CYTH1: variants seen among roughly 807,000 people sequenced by gnomAD.
The protein encoded by CYTH1 is cytohesin-1.
A neutral mutation model predicts 61.8 loss-of-function variants in CYTH1; 18 were observed. The observed-to-expected ratio is 0.29, with a 90% CI of 0.20 to 0.43. CYTH1 has a LOEUF of 0.43. Ranked by LOEUF, CYTH1 falls within the 20% of genes least tolerant of loss-of-function variation. The pLI is 1.00. For missense variants in CYTH1, 336 were observed against 510.5 expected, an observed-to-expected ratio of 0.66 and a Z score of 3.29; for synonymous variants, 174 against 184.3, an observed-to-expected ratio of 0.94 and a Z score of 0.45.
chr17:78,721,095 C>T (rs1019790908), intron 1 of CYTH1, among the ~76,000 whole-genome samples: 3 of 152,086 alleles, frequency 2.0e-5, no homozygotes, highest in South Asian at 2.1e-4. Context: ...TTTGGGGGGC[C>T]GAGGCAGGTG....
At chr17:78,689,333 T>C (rs1277467248) in intron 11 of CYTH1, among the ~76,000 whole-genome samples, 1 of 152,188 alleles carries the variant, frequency 6.6e-6, no homozygotes, top group Non-Finnish European at 1.5e-5. Flanking sequence ...CATTCATCTG[T>C]ACTTGCAGCT....
chr17:78,751,823 GT>G (rs1311514277), intron 1 of CYTH1, among the ~76,000 whole-genome samples: 5 of 152,038 alleles, frequency 3.3e-5, no homozygotes, highest in Non-Finnish European at 7.4e-5. Flanking sequence ...TTTTTGTTTT[GT>G]TTTGAGACGG....
chr17:78,683,218 G>A lies in CYTH1; in HGVS notation c.892-2176C>T, dbSNP rs73999202. 1.5e-3 allele frequency among the ~76,000 whole-genome samples: 234 copies of A among 152,222 alleles called. 2 individuals carry two copies. Among genetic ancestry groups the A allele is most frequent in the African/African-American group, 5.4e-3 (225 of 41,530 alleles). ...CTGTGATGTCACCTGAGACGGCTGA[G>A]TCTCTTCACAGCTGGTGGTGGACCC... On this transcript the variant is annotated intron_variant, in intron 11 of 13. Coordinates refer to ENST00000446868, the MANE Select transcript of CYTH1 (RefSeq NM_004762.6).
intron 1 of CYTH1, among the ~76,000 whole-genome samples, chr17:78,715,205 G>A (rs962568447): frequency 1.1e-4 from 16 of 152,174 alleles, no homozygotes; most frequent in African/African-American, 2.4e-4. Flanking sequence ...GACCACCCAC[G>A]AGGGAAGATC....
intron 8 of CYTH1, 54 bp from the exon 9 acceptor site, chr17:78,698,434 C>T: frequency 1.4e-6 from 2 of 1,383,090 alleles, no homozygotes; most frequent in Non-Finnish European, 2.1e-6. Context: ...TTTTTTCCTC[C>T]TCCCCTTTCT....
intron 1 of CYTH1, among the ~76,000 whole-genome samples, chr17:78,768,761 T>C (rs1007056762): frequency 1.3e-5 from 2 of 152,098 alleles, no homozygotes; most frequent in Non-Finnish European, 2.9e-5. Flanking sequence ...GTCAGAAGAA[T>C]CTTTCTAAAA....
intron 3 of CYTH1, among the ~76,000 whole-genome samples, chr17:78,703,236 AC>A (rs1472832532): frequency 6.6e-6 from 1 of 151,532 alleles, no homozygotes; most frequent in Admixed American, 6.6e-5. Flanking sequence ...ACATGGTGAA[AC>A]CCTGTCTCTA....
intron 7 of CYTH1, among the ~76,000 whole-genome samples, chr17:78,699,900 C>T (rs2092990457): frequency 6.6e-6 from 1 of 152,176 alleles, no homozygotes; most frequent in Non-Finnish European, 1.5e-5. Flanking sequence ...AGAGATCCTC[C>T]TGCCTCAGCC....
chr17:78,681,882 A>T (rs566858840), intron 11 of CYTH1, among the ~76,000 whole-genome samples: 1 of 152,222 alleles, frequency 6.6e-6, no homozygotes, highest in Non-Finnish European at 1.5e-5. Flanking sequence ...GTTCTCTAAA[A>T]GCGAAAAAGA....
At chr17:78,679,925 G>A (rs1326397256) in intron 13 of CYTH1, among the ~76,000 whole-genome samples, 1 of 152,184 alleles carries the variant, frequency 6.6e-6, no homozygotes, top group Non-Finnish European at 1.5e-5. Context: ...GCATCTGTGT[G>A]GGTAGCTCAC....
intron 1 of CYTH1, among the ~76,000 whole-genome samples, chr17:78,759,830 C>G (rs2093415073): frequency 6.6e-6 from 1 of 152,182 alleles, no homozygotes; most frequent in South Asian, 2.1e-4. Flanking sequence ...TCTGGCCAGG[C>G]CAACTCAAGC....
intron 1 of CYTH1, among the ~76,000 whole-genome samples, chr17:78,732,809 C>A (rs940320513): frequency 6.6e-6 from 1 of 152,072 alleles, no homozygotes; most frequent in Non-Finnish European, 1.5e-5. Context: ...GGGATAACCA[C>A]CGGGCGCGGT....
chr17:78,692,373 G>C (rs1374480142), intron 11 of CYTH1, 44 bp downstream of exon 11: 1 of 1,590,520 alleles, frequency 6.3e-7, no homozygotes, highest in South Asian at 1.1e-5. Flanking sequence ...GGAACCGGAG[G>C]CCTTGCCCAT....
chr17:78,721,067 G>A (rs887178401), intron 1 of CYTH1, among the ~76,000 whole-genome samples: 1 of 152,172 alleles, frequency 6.6e-6, no homozygotes, highest in Non-Finnish European at 1.5e-5. Context: ...GGTGGCTCAC[G>A]CCTTGTAATC....
intron 11 of CYTH1, 31 bp from the exon 12 acceptor site, chr17:78,681,073 G>C (rs754538634): frequency 1.2e-5 from 20 of 1,607,304 alleles, no homozygotes; most frequent in African/African-American, 6.7e-5. Flanking sequence ...GGAAGTTTAA[G>C]ATCACAGTTT....
intron 1 of CYTH1, among the ~76,000 whole-genome samples, chr17:78,756,419 A>T (rs1207416363): frequency 6.6e-6 from 1 of 152,174 alleles, no homozygotes; most frequent in Non-Finnish European, 1.5e-5. Flanking sequence ...CATGTAAATT[A>T]TACCTCAATA....
chr17:78,768,259 C>A (rs1275676369), intron 1 of CYTH1, among the ~76,000 whole-genome samples: 3 of 152,130 alleles, frequency 2.0e-5, no homozygotes, highest in Admixed American at 6.6e-5. Flanking sequence ...CCTTTCAGAT[C>A]TCTTCCTCTA....
chr17:78,698,998 C>CG (rs1567840027), intron 7 of CYTH1, 30 bp from the exon 8 acceptor site: 1 of 1,603,498 alleles, frequency 6.2e-7, no homozygotes, highest in Non-Finnish European at 8.5e-7. Context: ...AAAGGGGAGC[C>CG]GTTGCATGCT....
chr17:78,779,419 A>G lies in CYTH1; in HGVS notation c.22+2783T>C, dbSNP rs1002279893. On this transcript the variant is annotated intron_variant, in intron 1 of 13. Transcript: ENST00000446868. ...CCATCTCAAAAAAAAAAAAAAAAAA[A>G]AAAAGAAAGGGGAAGAATAAACTTA... Among the ~76,000 whole-genome samples the G allele has an allele frequency of 2.4e-3, 368 of 151,856 alleles. 2 individuals are homozygous for G. The highest frequency in any genetic ancestry group is 3.2e-3 in the Non-Finnish European group (219 of 67,932).
Sources: gnomAD v4.1 joint callset for allele counts (sites outside exome capture counted in the v4.1 genomes callset) on GRCh38, gnomAD v4.1.1 for gene constraint, MANE v1.5 for transcripts, NCBI Gene and HGNC (gene_info 2026-07-23, HGNC 2026-07-21) for gene names.